The following AAGAB variants were observed in gnomAD, a reference collection of about 807,000 sequenced individuals.
AAGAB encodes alpha- and gamma-adaptin-binding protein p34.
Under a neutral mutation model 44.1 loss-of-function variants are expected in AAGAB, and 38 were observed. That is an observed-to-expected ratio of 0.86 (90% CI 0.67 to 1.13). The LOEUF is 1.13. Among genes scored for constraint, AAGAB ranks in the 50% most tolerant of loss-of-function variants. AAGAB has a pLI of 0.00. For synonymous variants in AAGAB, 131 were observed against 131.8 expected (o/e 0.99, Z 0.04); for missense variants, 450 against 373.8 (o/e 1.20, Z -1.68).
At chr15:67,216,605 T>C (rs1963957190) in intron 5 of AAGAB, among the ~76,000 whole-genome samples, 1 of 151,556 alleles carries the variant, frequency 6.6e-6, no homozygotes, top group Non-Finnish European at 1.5e-5. Flanking sequence ...GAGTGAGTGC[T>C]ATCCTCTCCA....
intron 5 of AAGAB, among the ~76,000 whole-genome samples, chr15:67,212,043 C>G (rs1196027959): frequency 6.6e-6 from 1 of 152,168 alleles, no homozygotes; most frequent in East Asian, 1.9e-4. Flanking sequence ...CCACGCCCGA[C>G]TAATTTTTTT....
intron 5 of AAGAB, among the ~76,000 whole-genome samples, chr15:67,225,720 A>G (rs976802919): frequency 1.3e-5 from 2 of 152,226 alleles, no homozygotes; most frequent in Non-Finnish European, 2.9e-5. Flanking sequence ...TGTAGCATAT[A>G]TTCATGCTTC....
rs199567850 is a variant in AAGAB, at chr15:67,208,674, C to A, written c.619-16G>T. On this transcript the variant is annotated splice_polypyrimidine_tract_variant and intron_variant, in intron 6 of 9. Transcript: ENST00000261880. ...AATGGGGTTGCTGTTGAGGAAAATACACATAAGCAACAATTTAATCGTAGT... is the reference window on the plus strand; with the variant it reads ...AATGGGGTTGCTGTTGAGGAAAATAAACATAAGCAACAATTTAATCGTAGT... The A allele has an allele frequency of 3.1e-6, 5 of 1,604,884 alleles. No homozygotes were observed. In the Admixed American group the frequency reaches 5.0e-5, roughly 16 times the overall value.
At chr15:67,246,774 C>A (rs1185450082) in intron 1 of AAGAB, among the ~76,000 whole-genome samples, 1 of 151,892 alleles carries the variant, frequency 6.6e-6, no homozygotes, top group Non-Finnish European at 1.5e-5. Context: ...AATCAGCACT[C>A]TGCAAAAACG....
chr15:67,220,543 G>A (rs565398750), intron 5 of AAGAB: 3 of 152,312 alleles, frequency 2.0e-5, no homozygotes, highest in Non-Finnish European at 4.4e-5. Flanking sequence ...TTCCCCACCT[G>A]TAAAAGGAAG....
chr15:67,203,536 T>C lies in AAGAB; in HGVS notation c.870+12A>G, dbSNP rs754087987. The C allele has an allele frequency of 4.2e-5, 67 of 1,612,608 alleles. No individual in the cohort carries two copies. Among genetic ancestry groups the C allele is most frequent in the Non-Finnish European group, 5.7e-5 (67 of 1,179,116 alleles). On this transcript the variant is annotated intron_variant, in intron 9 of 9. Transcript: ENST00000261880. ...TATAGGTATTCAATAAATACCTGGC[T>C]GATTGTCTCACCTTTTCTGCATGCA...
In AAGAB at chr15:67,251,705, C is replaced by T. The variant is rs188530020; in HGVS notation, c.73+2854G>A. Among the ~76,000 whole-genome samples, 102 of 152,316 alleles carry T rather than the reference C, an allele frequency of 6.7e-4. 1 individual carries two copies. The highest frequency in any genetic ancestry group is 1.3e-3 in the Non-Finnish European group (91 of 68,032). On this transcript the variant is annotated intron_variant, in intron 1 of 9. Coordinates refer to ENST00000261880, the MANE Select transcript of AAGAB (RefSeq NM_024666.5). Reference sequence around the variant, plus strand: ...GATACATGAAGTAGAACCAAACTTTCCCAAAAAGGTAGATCCAATTCAATC... The same window carrying T: ...GATACATGAAGTAGAACCAAACTTTTCCAAAAAGGTAGATCCAATTCAATC...
intron 5 of AAGAB, among the ~76,000 whole-genome samples, chr15:67,222,244 A>ACACACACAC (rs1964095215): frequency 3.9e-5 from 1 of 25,790 alleles, no homozygotes; most frequent in Non-Finnish European, 8.4e-5. Context: ...GCGCGCGCGC[A>ACACACACAC]CACACACACA....
Position 67,202,782 on chromosome 15 carries a change from A to C in AAGAB, c.*39T>G. ...CTGAGTAGAGAGGTATCTCAGAGAC[A>C]GCTAGCATCTTTGTTGGTCAAACCC... is the stretch of plus-strand genomic sequence containing the variant. On this transcript the variant is annotated 3_prime_UTR_variant, in exon 10 of 10. Transcript: ENST00000261880. The C allele has an allele frequency of 6.3e-7, 1 of 1,588,706 alleles. No homozygotes were observed. The highest frequency in any genetic ancestry group is 8.6e-7 in the Non-Finnish European group (1 of 1,156,938).
At chr15:67,216,249 G>A (rs1292621036) in intron 5 of AAGAB, among the ~76,000 whole-genome samples, 3 of 151,756 alleles carry the variant, frequency 2.0e-5, no homozygotes, top group South Asian at 4.2e-4. Context: ...CGAAACCAGC[G>A]TGGCCAACGT....
chr15:67,238,337 G>A (rs957740364), intron 1 of AAGAB, among the ~76,000 whole-genome samples: 1 of 152,142 alleles, frequency 6.6e-6, no homozygotes, highest in Non-Finnish European at 1.5e-5. Flanking sequence ...CTTAGTGTCA[G>A]TCAATTCCAT....
chr15:67,254,058 A>T (rs1326689795), intron 1 of AAGAB, among the ~76,000 whole-genome samples: 1 of 152,212 alleles, frequency 6.6e-6, no homozygotes, highest in Non-Finnish European at 1.5e-5. Context: ...GAAAGGCGTG[A>T]ATAACTAGAG....
Position 67,201,240 on chromosome 15 carries a change from G to C in AAGAB, c.*1581C>G, listed in dbSNP as rs1567011732. ...AATGCAATCACCTCAAAGAAACACT[G>C]ATGGGCTGGTGGTGAACCACAGACT... On this transcript the variant is annotated 3_prime_UTR_variant, in exon 10 of 10. Transcript: ENST00000261880. The C allele has an allele frequency of 7.0e-6, 1 of 143,596 alleles. No homozygotes were observed. The allele number at this position is 143,596 out of a possible 1,614,324, so 8.9% of individuals were successfully genotyped here. A position where few individuals can be genotyped will look rare whatever the true frequency, so the allele number is the denominator to read the frequency against.
At chr15:67,211,060 A>G (rs1203497404) in intron 5 of AAGAB, among the ~76,000 whole-genome samples, 1 of 152,202 alleles carries the variant, frequency 6.6e-6, no homozygotes, top group Non-Finnish European at 1.5e-5. Flanking sequence ...GAAACTTCGC[A>G]GTGTCCTTCC....
chr15:67,254,397 G>C, intron 1 of AAGAB, 162 bp downstream of exon 1: 1 of 1,421,002 alleles, frequency 7.0e-7, no homozygotes, highest in Non-Finnish European at 9.2e-7. Context: ...ACGAGATTAA[G>C]AGATAGGGGC....
At chr15:67,248,111 G>C (rs1346643581) in intron 1 of AAGAB, among the ~76,000 whole-genome samples, 3 of 152,164 alleles carry the variant, frequency 2.0e-5, no homozygotes, top group Non-Finnish European at 2.9e-5. Context: ...TTTGGGTCTG[G>C]AGAAAGTATG....
chr15:67,212,126 C>T (rs1421831490), intron 5 of AAGAB, among the ~76,000 whole-genome samples: 1 of 152,140 alleles, frequency 6.6e-6, no homozygotes, highest in Non-Finnish European at 1.5e-5. Flanking sequence ...CGTGATGCGC[C>T]CGCCTTGGCC....
chr15:67,211,870 T>G (rs747248935), intron 5 of AAGAB, among the ~76,000 whole-genome samples: 1 of 147,286 alleles, frequency 6.8e-6, no homozygotes, highest in Admixed American at 6.8e-5. Flanking sequence ...AGCAGTCTAT[T>G]TGAAATGCCT....
intron 5 of AAGAB, chr15:67,221,088 C>T (rs1036028194): frequency 6.6e-6 from 1 of 152,204 alleles, no homozygotes; most frequent in Admixed American, 6.5e-5. Flanking sequence ...GGTTTGTCCA[C>T]ACTTATTTAT....
Sources: allele counts gnomAD v4.1 joint callset (sites outside exome capture counted in the v4.1 genomes callset), GRCh38; gene constraint gnomAD v4.1.1; transcripts MANE v1.5; gene names NCBI Gene and HGNC (gene_info 2026-07-23, HGNC 2026-07-21).